ST18: variants seen among roughly 807,000 people sequenced by gnomAD.
The protein encoded by ST18 is suppression of tumorigenicity 18 protein.
In ST18, 50 loss-of-function variants were observed where a neutral mutation model predicts 110.0. The ratio of observed to expected loss-of-function variants is 0.45; its 90% confidence interval spans 0.36 to 0.58. The LOEUF (loss-of-function observed/expected upper bound fraction) is 0.58, where lower values mean the gene tolerates loss of function less well. ST18 is among the 20% of genes least tolerant of loss of function. ST18 has a pLI of 0.00. For missense variants in ST18, 1,306 were observed against 1,280.1 expected, an observed-to-expected ratio of 1.02 and a Z score of -0.31; for synonymous variants, 461 against 452.4, an observed-to-expected ratio of 1.02 and a Z score of -0.24.
At chr8:52,177,944 C>T (rs1587826718) in intron 9 of ST18, among the ~76,000 whole-genome samples, 1 of 152,274 alleles carries the variant, frequency 6.6e-6, no homozygotes, top group Admixed American at 6.5e-5. Context: ...GTCACCACTG[C>T]TGTAATTTTA....
chr8:52,355,062 G>T (rs1392109033), intron 2 of ST18, among the ~76,000 whole-genome samples: 1 of 152,120 alleles, frequency 6.6e-6, no homozygotes, highest in African/African-American at 2.4e-5. Flanking sequence ...AGGGGTATTG[G>T]CCCATCCCTT....
chr8:52,173,126 G>T (rs535195974), intron 9 of ST18, among the ~76,000 whole-genome samples: 1 of 152,170 alleles, frequency 6.6e-6, no homozygotes, highest in Non-Finnish European at 1.5e-5. Context: ...AGATTTTATG[G>T]AATGTTAGCT....
chr8:52,177,862 C>A (rs1017563238), intron 9 of ST18, among the ~76,000 whole-genome samples: 3 of 152,190 alleles, frequency 2.0e-5, no homozygotes, highest in African/African-American at 4.8e-5. Context: ...TAATCACACA[C>A]ACTCGTGGCA....
intron 2 of ST18, among the ~76,000 whole-genome samples, chr8:52,286,192 T>A (rs1351072817): frequency 6.6e-6 from 1 of 152,210 alleles, no homozygotes; most frequent in Non-Finnish European, 1.5e-5. Flanking sequence ...TTCCTTCACA[T>A]GAAGTTTAGT....
chr8:52,327,000 C>T (rs1341990135), intron 2 of ST18, among the ~76,000 whole-genome samples: 1 of 152,198 alleles, frequency 6.6e-6, no homozygotes, highest in Admixed American at 6.5e-5. Flanking sequence ...CTCAAAGTGC[C>T]ACCGGAGAGG....
chr8:52,330,737 C>T (rs1321337322), intron 2 of ST18, among the ~76,000 whole-genome samples: 1 of 152,230 alleles, frequency 6.6e-6, no homozygotes, highest in Non-Finnish European at 1.5e-5. Flanking sequence ...AGTGCACAGC[C>T]TGCCTTTACC....
chr8:52,163,927 C>A, intron 13 of ST18, 59 bp downstream of exon 13: 2 of 1,359,356 alleles, frequency 1.5e-6, no homozygotes, highest in Admixed American at 1.8e-5. Flanking sequence ...GGACCAGAGG[C>A]CCCGCTGTGC....
At chr8:52,129,842 C>T (rs936802780) in intron 22 of ST18, among the ~76,000 whole-genome samples, 2 of 151,834 alleles carry the variant, frequency 1.3e-5, no homozygotes, top group African/African-American at 2.4e-5. Flanking sequence ...GTCAGGAGTT[C>T]GAGACCAGCC....
At chr8:52,358,176 T>A (rs891392812) in intron 2 of ST18, among the ~76,000 whole-genome samples, 2 of 151,686 alleles carry the variant, frequency 1.3e-5, no homozygotes, top group African/African-American at 4.8e-5. Context: ...AAACACAAAA[T>A]GCCAACATCT....
At chr8:52,267,129 C>T (rs1564370142) in intron 2 of ST18, among the ~76,000 whole-genome samples, 2 of 151,964 alleles carry the variant, frequency 1.3e-5, no homozygotes, top group African/African-American at 2.4e-5. Flanking sequence ...CGATGGTGCA[C>T]TCGTTGGTGA....
chr8:52,213,377 C>T (rs2082914793), intron 7 of ST18, among the ~76,000 whole-genome samples: 1 of 148,116 alleles, frequency 6.8e-6, no homozygotes, highest in Non-Finnish European at 1.5e-5. Flanking sequence ...GTCAGTTGTA[C>T]ATCTCAACAC....
At chr8:52,130,276 G>A (rs1030812480) in intron 22 of ST18, among the ~76,000 whole-genome samples, 3 of 152,124 alleles carry the variant, frequency 2.0e-5, no homozygotes, top group Admixed American at 6.5e-5. Flanking sequence ...AACCTATGAT[G>A]TGTATTTGCA....
At chr8:52,255,822 T>G (rs7842486) in intron 2 of ST18, among the ~76,000 whole-genome samples, 47,271 of 152,122 alleles carry the variant, frequency 0.31, 7,614 homozygotes, top group Middle Eastern at 0.46. Flanking sequence ...CAGACACTGT[T>G]CAAGGCTCTC....
chr8:52,342,733 A>AAAC (rs1358734842), intron 2 of ST18, among the ~76,000 whole-genome samples: 2 of 152,318 alleles, frequency 1.3e-5, no homozygotes, highest in East Asian at 3.9e-4. Context: ...CAGGGCCTGC[A>AAAC]GTTTGAGTAG....
At chr8:52,374,000 T>C (rs1228251793) in intron 2 of ST18, among the ~76,000 whole-genome samples, 8 of 152,002 alleles carry the variant, frequency 5.3e-5, no homozygotes. Flanking sequence ...GTTTCTCAAT[T>C]CTCTAATACC....
chr8:52,262,735 T>C (rs772040083), intron 2 of ST18, among the ~76,000 whole-genome samples: 55 of 152,352 alleles, frequency 3.6e-4, no homozygotes, highest in Non-Finnish European at 5.9e-4. Context: ...CTAAGTACCA[T>C]TTGAACTTTC....
chr8:52,347,259 T>C (rs1204443581), intron 2 of ST18, among the ~76,000 whole-genome samples: 1 of 152,210 alleles, frequency 6.6e-6, no homozygotes, highest in African/African-American at 2.4e-5. Context: ...TAAATAGCTT[T>C]ACTGTAAAAG....
chr8:52,338,425 A>T (rs1431102101), intron 2 of ST18, among the ~76,000 whole-genome samples: 2 of 152,162 alleles, frequency 1.3e-5, no homozygotes, highest in African/African-American at 4.8e-5. Context: ...TAATTTTGAT[A>T]TAAAATATTT....
intron 8 of ST18, among the ~76,000 whole-genome samples, chr8:52,186,349 G>A (rs1322008399): frequency 6.6e-6 from 1 of 152,176 alleles, no homozygotes; most frequent in African/African-American, 2.4e-5. Flanking sequence ...CCAGGGAAAT[G>A]CAAACACCTA....
Sources: allele counts gnomAD v4.1 joint callset (sites outside exome capture counted in the v4.1 genomes callset), GRCh38; gene constraint gnomAD v4.1.1; transcripts MANE v1.5; gene names NCBI Gene and HGNC (gene_info 2026-07-23, HGNC 2026-07-21).